Variants in KCTD8 observed in about 807,000 individuals in gnomAD.
The protein encoded by KCTD8 is potassium channel tetramerization domain containing 8, also known as BTB/POZ domain-containing protein KCTD8.
KCTD8 carries 27 observed loss-of-function variants against 31.5 expected under a neutral mutation model. That is an observed-to-expected ratio of 0.86 (90% CI 0.63 to 1.18). The LOEUF is 1.18. KCTD8 is among the 50% of genes most tolerant of loss of function. The pLI is 0.00. For synonymous variants in KCTD8, 290 were observed against 280.0 expected, an observed-to-expected ratio of 1.04 and a Z score of -0.36; for missense variants, 658 against 647.7, an observed-to-expected ratio of 1.02 and a Z score of -0.17.
intron 1 of KCTD8, among the ~76,000 whole-genome samples, chr4:44,410,249 G>A (rs61562329): frequency 1.0e-3 from 153 of 152,182 alleles, no homozygotes; most frequent in African/African-American, 3.4e-3. Flanking sequence ...AGTATGGCCC[G>A]CTTGTTTGAT....
At chr4:44,292,236 AC>A (rs1454353548) in intron 1 of KCTD8, among the ~76,000 whole-genome samples, 1 of 152,138 alleles carries the variant, frequency 6.6e-6, no homozygotes, top group Non-Finnish European at 1.5e-5. Flanking sequence ...GTGCCCATCG[AC>A]AGTGGACTGC....
intron 1 of KCTD8, among the ~76,000 whole-genome samples, chr4:44,260,047 A>G (rs1716114998): frequency 6.6e-6 from 1 of 151,956 alleles, no homozygotes; most frequent in Admixed American, 6.6e-5. Flanking sequence ...CAGAAAATGA[A>G]AACAATGAAT....
chr4:44,288,818 G>C (rs1302357108), intron 1 of KCTD8, among the ~76,000 whole-genome samples: 1 of 151,984 alleles, frequency 6.6e-6, no homozygotes, highest in East Asian at 1.9e-4. Flanking sequence ...CTTCCTTTCT[G>C]CATATATACT....
At chr4:44,407,322 C>T (rs1046379911) in intron 1 of KCTD8, among the ~76,000 whole-genome samples, 1 of 151,976 alleles carries the variant, frequency 6.6e-6, no homozygotes, top group Non-Finnish European at 1.5e-5. Flanking sequence ...ATCTCTATAC[C>T]TCAAATCTAC....
intron 1 of KCTD8, among the ~76,000 whole-genome samples, chr4:44,264,499 G>A (rs1032377603): frequency 2.6e-5 from 4 of 152,134 alleles, no homozygotes; most frequent in African/African-American, 9.7e-5. Context: ...CTGAGGTAAC[G>A]GGTTCATCTC....
intron 1 of KCTD8, among the ~76,000 whole-genome samples, chr4:44,234,164 TA>T (rs1413514988): frequency 6.6e-6 from 1 of 152,168 alleles, no homozygotes; most frequent in Non-Finnish European, 1.5e-5. Context: ...TTTTACAAGT[TA>T]GGAAACTGAG....
intron 1 of KCTD8, among the ~76,000 whole-genome samples, chr4:44,309,037 C>A (rs191412217): frequency 6.6e-6 from 1 of 151,912 alleles, no homozygotes; most frequent in African/African-American, 2.4e-5. Flanking sequence ...ATCAAACTGA[C>A]GTTTATTTAT....
At position 44,383,735 on chromosome 4, in the gene KCTD8, A is replaced by G. The variant is rs546443597; in HGVS notation, c.961+63828T>C. Among the ~76,000 whole-genome samples the G allele has an allele frequency of 1.1e-4, 16 of 152,016 alleles. No homozygotes were observed. The South Asian group carries it at 3.3e-3, about 31-fold the overall frequency. ...AACTACTGGAAAAAAACACACACACACAAAGAAAATGCTTCAGGACACTGG... is the reference window on the plus strand; with the variant it reads ...AACTACTGGAAAAAAACACACACACGCAAAGAAAATGCTTCAGGACACTGG... On this transcript the variant is annotated intron_variant, in intron 1 of 1. Coordinates refer to ENST00000360029, the MANE Select transcript of KCTD8 (RefSeq NM_198353.3).
chr4:44,302,383 T>C (rs1717653803), intron 1 of KCTD8, among the ~76,000 whole-genome samples: 1 of 152,176 alleles, frequency 6.6e-6, no homozygotes, highest in Non-Finnish European at 1.5e-5. Context: ...TTGTAACCTC[T>C]TTTATTTCAT....
intron 1 of KCTD8, among the ~76,000 whole-genome samples, chr4:44,213,874 C>A (rs1714565757): frequency 1.3e-5 from 2 of 152,084 alleles, no homozygotes; most frequent in African/African-American, 2.4e-5. Flanking sequence ...TGAGAAACCA[C>A]AGGCACAGGA....
At chr4:44,412,028 C>T (rs1720972729) in intron 1 of KCTD8, among the ~76,000 whole-genome samples, 1 of 152,072 alleles carries the variant, frequency 6.6e-6, no homozygotes, top group Admixed American at 6.6e-5. Context: ...CAGGGTGGCA[C>T]AATGTTGATA....
At chr4:44,323,157 A>C (rs1251409582) in intron 1 of KCTD8, among the ~76,000 whole-genome samples, 1 of 152,036 alleles carries the variant, frequency 6.6e-6, no homozygotes, top group Non-Finnish European at 1.5e-5. Context: ...GATTGCACTG[A>C]ATGTGAAGAT....
intron 1 of KCTD8, among the ~76,000 whole-genome samples, chr4:44,280,326 G>C (rs939302887): frequency 2.0e-5 from 3 of 152,034 alleles, no homozygotes; most frequent in African/African-American, 7.2e-5. Flanking sequence ...GATTCATACT[G>C]CTACCCTCTG....
intron 1 of KCTD8, among the ~76,000 whole-genome samples, chr4:44,324,732 C>G (rs1718399350): frequency 6.6e-6 from 1 of 151,958 alleles, no homozygotes; most frequent in Admixed American, 6.6e-5. Flanking sequence ...TCAATATTGG[C>G]TTCCCCTTGG....
At chr4:44,277,018 G>A (rs1716769816) in intron 1 of KCTD8, among the ~76,000 whole-genome samples, 1 of 151,840 alleles carries the variant, frequency 6.6e-6, no homozygotes, top group African/African-American at 2.4e-5. Context: ...CTGTAATTTG[G>A]AAATAAAACA....
intron 1 of KCTD8, among the ~76,000 whole-genome samples, chr4:44,235,975 A>G (rs963539316): frequency 1.3e-5 from 2 of 152,152 alleles, no homozygotes; most frequent in African/African-American, 4.8e-5. Context: ...AATGAACCCA[A>G]CAAGAGATGA....
Position 44,195,652 on chromosome 4 carries a change from T to A in KCTD8, c.962-20402A>T, listed in dbSNP as rs111323906. Among the ~76,000 whole-genome samples, 1,370 of 152,318 alleles carry A rather than the reference T, an allele frequency of 9.0e-3. 20 individuals carry two copies. The highest frequency in any genetic ancestry group is 0.031 in the African/African-American group (1,284 of 41,582). On this transcript the variant is annotated intron_variant, in intron 1 of 1. Coordinates refer to ENST00000360029, the MANE Select transcript of KCTD8 (RefSeq NM_198353.3). Reference sequence around the variant, plus strand: ...TATAATTAAAATCTTTAGTATTATGTGTCCAAATTGCTCCACCTTTTAACT... The same window carrying A: ...TATAATTAAAATCTTTAGTATTATGAGTCCAAATTGCTCCACCTTTTAACT...
chr4:44,185,287 TC>T (rs1374818334), intron 1 of KCTD8, among the ~76,000 whole-genome samples: 2 of 152,210 alleles, frequency 1.3e-5, no homozygotes, highest in African/African-American at 4.8e-5. Flanking sequence ...TCATCTCTGT[TC>T]CAATTTCCAC....
chr4:44,262,416 C>T (rs1387598893), intron 1 of KCTD8, among the ~76,000 whole-genome samples: 7 of 151,882 alleles, frequency 4.6e-5, no homozygotes, highest in African/African-American at 7.2e-5. Context: ...GAGAAAATAA[C>T]GACATGAGCA....
Sources: allele counts gnomAD v4.1 joint callset (sites outside exome capture counted in the v4.1 genomes callset), GRCh38; gene constraint gnomAD v4.1.1; transcripts MANE v1.5; gene names NCBI Gene and HGNC (gene_info 2026-07-23, HGNC 2026-07-21).